Variants in WDR25 observed in about 807,000 individuals in gnomAD.
WDR25 encodes the protein WD repeat domain 25, also known as WD repeat-containing protein 25.
WDR25 carries 35 observed loss-of-function variants against 47.7 expected under a neutral mutation model. The ratio of observed to expected loss-of-function variants is 0.73; its 90% CI spans 0.56 to 0.97. The LOEUF (loss-of-function observed/expected upper bound fraction) is 0.97. WDR25 is among the 50% of genes least tolerant of loss of function. The pLI, the probability that WDR25 is intolerant of heterozygous loss-of-function variation, is 0.00. For missense variants in WDR25, 634 were observed against 704.7 expected (o/e 0.90, Z 1.14); for synonymous variants, 248 against 278.9 (o/e 0.89, Z 1.10).
intron 2 of WDR25, among the ~76,000 whole-genome samples, chr14:100,451,442 A>T (rs1163519157): frequency 6.6e-6 from 1 of 151,584 alleles, no homozygotes; most frequent in African/African-American, 2.4e-5. Context: ...CTGGTCTCGA[A>T]CTCCTGGGCT....
At chr14:100,384,466 T>C (rs1286099020) in intron 2 of WDR25, among the ~76,000 whole-genome samples, 1 of 152,338 alleles carries the variant, frequency 6.6e-6, no homozygotes, top group Non-Finnish European at 1.5e-5. Context: ...AAGTCCCGGC[T>C]GAGGCCTCAG....
chr14:100,396,414 T>C (rs1300493275), intron 2 of WDR25, among the ~76,000 whole-genome samples: 1 of 152,232 alleles, frequency 6.6e-6, no homozygotes, highest in African/African-American at 2.4e-5. Context: ...AGTGAAGCTA[T>C]TAAAGCAAGA....
chr14:100,413,893 T>A (rs1437390174), intron 2 of WDR25, among the ~76,000 whole-genome samples: 2 of 152,238 alleles, frequency 1.3e-5, no homozygotes, highest in African/African-American at 2.4e-5. Context: ...TCCCTTTTTA[T>A]TGCTGAGTAG....
intron 2 of WDR25, among the ~76,000 whole-genome samples, chr14:100,412,169 C>T (rs192855914): frequency 4.1e-5 from 6 of 144,758 alleles, no homozygotes; most frequent in East Asian, 2.0e-4. Context: ...ATTTTGCCAT[C>T]GCACTCCAGC....
chr14:100,429,315 C>A (rs1898260296), intron 2 of WDR25, among the ~76,000 whole-genome samples: 1 of 152,166 alleles, frequency 6.6e-6, no homozygotes, highest in African/African-American at 2.4e-5. Flanking sequence ...GTGCTCCCAT[C>A]CCTATGAGGC....
intron 2 of WDR25, among the ~76,000 whole-genome samples, chr14:100,437,481 C>T (rs916778873): frequency 2.0e-5 from 3 of 152,164 alleles, no homozygotes; most frequent in Admixed American, 6.5e-5. Context: ...TTGGCACTTA[C>T]TAGCTGTGTG....
chr14:100,417,361 G>A (rs973430885), intron 2 of WDR25, among the ~76,000 whole-genome samples: 3 of 152,246 alleles, frequency 2.0e-5, no homozygotes, highest in Admixed American at 2.0e-4. Context: ...GCCACTCAGG[G>A]ATTTGTGGGA....
At chr14:100,390,405 G>A (rs1237064225) in intron 2 of WDR25, among the ~76,000 whole-genome samples, 5 of 151,748 alleles carry the variant, frequency 3.3e-5, no homozygotes, top group Non-Finnish European at 7.4e-5. Flanking sequence ...GTGTGTGTGT[G>A]TGTGTGTGTG....
chr14:100,444,590 G>A (rs1382795543), intron 2 of WDR25, among the ~76,000 whole-genome samples: 1 of 152,196 alleles, frequency 6.6e-6, no homozygotes, highest in African/African-American at 2.4e-5. Context: ...GTACCTGGCA[G>A]ATGAAGTGCC....
At chr14:100,429,056 C>T (rs963723290) in intron 2 of WDR25, among the ~76,000 whole-genome samples, 8 of 152,182 alleles carry the variant, frequency 5.3e-5, no homozygotes, top group Admixed American at 1.3e-4. Flanking sequence ...CGTAGATACT[C>T]GTTTGTAACA....
At chr14:100,386,660 G>A (rs1410804985) in intron 2 of WDR25, among the ~76,000 whole-genome samples, 2 of 152,266 alleles carry the variant, frequency 1.3e-5, no homozygotes, top group South Asian at 2.1e-4. Context: ...TTGGGAGGCC[G>A]AGGCAGGCGG....
At chr14:100,473,440 A>G (rs1380118430) in intron 3 of WDR25, among the ~76,000 whole-genome samples, 3 of 152,144 alleles carry the variant, frequency 2.0e-5, no homozygotes, top group Non-Finnish European at 4.4e-5. Context: ...TGCTGTGAAC[A>G]AACAGGGAAA....
At chr14:100,420,028 G>T (rs1250658974) in intron 2 of WDR25, among the ~76,000 whole-genome samples, 3 of 152,238 alleles carry the variant, frequency 2.0e-5, no homozygotes, top group Non-Finnish European at 4.4e-5. Flanking sequence ...GTGAACGGGT[G>T]CTCGCAGGGC....
At chr14:100,420,333 A>G (rs1489535689) in intron 2 of WDR25, among the ~76,000 whole-genome samples, 3 of 151,990 alleles carry the variant, frequency 2.0e-5, no homozygotes, top group Non-Finnish European at 4.4e-5. Flanking sequence ...ATCGTTCTAT[A>G]GGGATTTTTC....
chr14:100,525,807 C>T lies in WDR25; in HGVS notation c.1102-63C>T. ...GCCTGCCCCCTGGGTCCTTGGCCTT[C>T]CCTGCATAGGCGCCTGTCCGTGCTG... On this transcript the variant is annotated intron_variant, in intron 4 of 6. Transcript: ENST00000402312. The surrounding 1 kb of genome is among the most constrained non-coding windows in gnomAD (Gnocchi z 4.6). 3 of 1,587,528 alleles carry T rather than the reference C, an allele frequency of 1.9e-6. No individual in the cohort carries two copies. The highest frequency in any genetic ancestry group is 2.6e-6 in the Non-Finnish European group (3 of 1,165,636).
chr14:100,446,709 CT>C (rs1377395642), intron 2 of WDR25, among the ~76,000 whole-genome samples: 1 of 152,122 alleles, frequency 6.6e-6, no homozygotes, highest in African/African-American at 2.4e-5. Flanking sequence ...TGTCTGAAAG[CT>C]TGTGAGTAAG....
At chr14:100,402,983 AGCTTCATTACGTTCTT>A (rs1295486255) in intron 2 of WDR25, among the ~76,000 whole-genome samples, 1 of 152,020 alleles carries the variant, frequency 6.6e-6, no homozygotes, top group Non-Finnish European at 1.5e-5. Flanking sequence ...TTGACAGCTG[AGCTTCATTACGTTCTT>A]GACCCTGTCT....
At position 100,471,017 on chromosome 14, in the gene WDR25, C is replaced by T. The variant is rs1333037094; in HGVS notation, c.970+2849C>T. Among the ~76,000 whole-genome samples, 5 of 152,322 alleles carry T rather than the reference C, an allele frequency of 3.3e-5. No individual in the cohort carries two copies. The South Asian group carries it at 6.2e-4, about 19-fold the overall frequency. On this transcript the variant is annotated intron_variant, in intron 3 of 6. Transcript: ENST00000402312. The stretch of plus-strand genomic sequence containing the variant: ...TCACTCCGCAGTTGCTTATTGTGCA[C>T]CCACTGCGTGTAGGACTTGGTGCTG...
intron 2 of WDR25, chr14:100,382,155 G>C (rs1269643647): frequency 1.4e-6 from 1 of 702,862 alleles, no homozygotes; most frequent in Non-Finnish European, 2.6e-6. Flanking sequence ...GGGAGAGGTA[G>C]GTAGACCCAG....
Sources: allele counts gnomAD v4.1 joint callset (sites outside exome capture counted in the v4.1 genomes callset), GRCh38; gene constraint gnomAD v4.1.1; non-coding constraint Gnocchi (gnomAD v3.1); transcripts MANE v1.5; gene names NCBI Gene and HGNC (gene_info 2026-07-23, HGNC 2026-07-21).